Variants in PAPPA observed in about 807,000 individuals in gnomAD.
PAPPA encodes the protein pappalysin 1.
In PAPPA, 60 loss-of-function variants were observed where a neutral mutation model predicts 164.0. That is an observed-to-expected ratio of 0.37 (90% CI 0.30 to 0.45). The LOEUF (loss-of-function observed/expected upper bound fraction) is 0.45. Among genes scored for constraint, PAPPA ranks in the 20% least tolerant of loss-of-function variants. The probability of loss-of-function intolerance (pLI) is 1.00; values close to 1 mark genes in which losing one functional copy is unlikely to be tolerated. For missense variants in PAPPA, 1,782 were observed against 2,087.3 expected, an observed-to-expected ratio of 0.85 and a Z score of 2.85; for synonymous variants, 875 against 814.1, an observed-to-expected ratio of 1.07 and a Z score of -1.27.
At position 116,154,928 on chromosome 9, in the gene PAPPA, G is replaced by A. The variant is rs1843583612; in HGVS notation, c.415+341G>A. Among the ~76,000 whole-genome samples, 1 of 152,252 alleles carries A rather than the reference G, an allele frequency of 6.6e-6. No individual in the cohort carries two copies. Among genetic ancestry groups the A allele is most frequent in the Non-Finnish European group, 1.5e-5 (1 of 68,048 alleles). Reference sequence around the variant, plus strand: ...CAGATGCACTCTCTCCTTTTGGGATGAAAGGGAGGATGACCCAATTGAGAT... The same window carrying A: ...CAGATGCACTCTCTCCTTTTGGGATAAAAGGGAGGATGACCCAATTGAGAT... On this transcript the variant is annotated intron_variant, in intron 1 of 21. Coordinates refer to ENST00000328252, the MANE Select transcript of PAPPA (RefSeq NM_002581.5). This position sits in a 1 kb window ranked among gnomAD's most constrained non-coding sequence, Gnocchi z 5.2.
chr9:116,252,550 G>A (rs987534810), intron 7 of PAPPA, among the ~76,000 whole-genome samples: 1 of 152,220 alleles, frequency 6.6e-6, no homozygotes, highest in Admixed American at 6.5e-5. Context: ...GAAGATGGGT[G>A]TGGTGGGATC....
At position 116,401,640 on chromosome 9, in the gene PAPPA, G is replaced by A. The variant is rs1460557375; in HGVS notation, c.*5024G>A. 3 of 151,120 alleles carry A rather than the reference G, an allele frequency of 2.0e-5. No homozygotes were observed. Among genetic ancestry groups the A allele is most frequent in the East Asian group, 1.9e-4 (1 of 5,176 alleles). The allele number at this position is 151,120 out of a possible 1,614,324, so 9.4% of individuals were successfully genotyped here. The stretch of plus-strand genomic sequence containing the variant: ...ATTTACAAAATAAAACTGTGATCTC[G>A]TCTAGAGAAAATGTATTCATATTAC... On this transcript the variant is annotated 3_prime_UTR_variant, in exon 22 of 22. Transcript: ENST00000328252.
At chr9:116,290,315 C>G (rs556415973) in intron 9 of PAPPA, among the ~76,000 whole-genome samples, 1 of 151,854 alleles carries the variant, frequency 6.6e-6, no homozygotes, top group South Asian at 2.1e-4. Flanking sequence ...AGAATGGGTT[C>G]ATCATCTACA....
rs3789300 is a variant in PAPPA, at chr9:116,369,965, G to A, written c.4605+2211G>A. On this transcript the variant is annotated intron_variant, in intron 19 of 21. Coordinates refer to ENST00000328252, the MANE Select transcript of PAPPA (RefSeq NM_002581.5). Reference sequence around the variant, plus strand: ...GAGATTGATGATTTCCAGGAATAAGGCAGAAAAGCTGGCCTCTGCTGCACC... The same window carrying A: ...GAGATTGATGATTTCCAGGAATAAGACAGAAAAGCTGGCCTCTGCTGCACC... Among the ~76,000 whole-genome samples the A allele has an allele frequency of 6.4e-4, 98 of 152,296 alleles. No homozygotes were observed. In the East Asian group the frequency reaches 0.017, roughly 27 times the overall value.
chr9:116,295,509 G>T (rs1236266325), intron 9 of PAPPA, among the ~76,000 whole-genome samples: 2 of 139,084 alleles, frequency 1.4e-5, no homozygotes, highest in South Asian at 2.2e-4. Context: ...AGCCAAGATC[G>T]CACCATTGCA....
chr9:116,352,562 T>G, intron 15 of PAPPA, 144 bp from the exon 16 acceptor site: 1 of 707,982 alleles, frequency 1.4e-6, no homozygotes, highest in Non-Finnish European at 2.5e-6. Context: ...TTCCCTAGGC[T>G]CCTCAGTTGG....
chr9:116,292,681 G>C (rs945197883), intron 9 of PAPPA, among the ~76,000 whole-genome samples: 2 of 152,188 alleles, frequency 1.3e-5, no homozygotes, highest in African/African-American at 4.8e-5. Context: ...ATTTAGTAGA[G>C]ATATAATTTT....
Position 116,154,426 on chromosome 9 carries a change from G to A in PAPPA, c.254G>A (p.Gly85Asp), listed in dbSNP as rs868024869. 67 of 1,251,402 alleles carry A rather than the reference G, an allele frequency of 5.4e-5. No homozygotes were observed. The African/African-American group carries it at 8.3e-4, about 15-fold the overall frequency. 77.5% of individuals were successfully genotyped at this position (1,251,402 alleles called of 1,614,324 possible). The change falls in exon 1 of 22, where the codon GGC becomes GAC. Residue 85 changes from glycine to aspartate, a missense_variant. This residue lies in a region of PAPPA where 458 missense variants were observed against 430.3 expected (regional missense o/e 1.06). Transcript: ENST00000328252. The surrounding 1 kb of genome is among the most constrained non-coding windows in gnomAD (Gnocchi z 5.2). ...CGGCGGCAGCAGCGGGAGGCGAGGGGCGCCACCGAGGAGCCGAGCCCGCCG... is the reference window on the plus strand; with the variant it reads ...CGGCGGCAGCAGCGGGAGGCGAGGGACGCCACCGAGGAGCCGAGCCCGCCG... ...PRRRQQREARGATEEPSPPSR... is the reference protein window; with the variant it reads ...PRRRQQREARDATEEPSPPSR...
chr9:116,217,656 C>A (rs1283094669), intron 4 of PAPPA, among the ~76,000 whole-genome samples: 1 of 152,060 alleles, frequency 6.6e-6, no homozygotes, highest in Non-Finnish European at 1.5e-5. Flanking sequence ...CAAGCATACA[C>A]ACACACACCA....
chr9:116,332,728 G>A (rs1017351301), intron 12 of PAPPA: 11 of 357,478 alleles, frequency 3.1e-5, no homozygotes, highest in African/African-American at 1.8e-4. Context: ...CAGACATCCT[G>A]TATTATTCCC....
chr9:116,300,377 A>C (rs1451160522), intron 9 of PAPPA, among the ~76,000 whole-genome samples: 2 of 152,044 alleles, frequency 1.3e-5, no homozygotes, highest in African/African-American at 4.8e-5. Context: ...TACTGGGCTC[A>C]ATAAATCCTC....
chr9:116,170,708 T>C (rs1843766863), intron 1 of PAPPA, among the ~76,000 whole-genome samples: 1 of 146,616 alleles, frequency 6.8e-6, no homozygotes, highest in Non-Finnish European at 1.5e-5. Context: ...CATTCCCTAA[T>C]CCATCCACCC....
intron 8 of PAPPA, among the ~76,000 whole-genome samples, chr9:116,267,701 G>A (rs1222788243): frequency 1.3e-5 from 2 of 151,466 alleles, no homozygotes; most frequent in African/African-American, 4.9e-5. Context: ...GTGAAACCCC[G>A]TCTCTACTAA....
At chr9:116,179,536 A>T (rs1843878127) in intron 1 of PAPPA, among the ~76,000 whole-genome samples, 1 of 152,178 alleles carries the variant, frequency 6.6e-6, no homozygotes, top group Non-Finnish European at 1.5e-5. Flanking sequence ...TCTCCCTTTA[A>T]GCCTCCTCCT....
chr9:116,211,941 C>G lies in PAPPA; in HGVS notation c.1918+9C>G, dbSNP rs1050877495. On this transcript the variant is annotated intron_variant, in intron 4 of 21. Coordinates refer to ENST00000328252, the MANE Select transcript of PAPPA (RefSeq NM_002581.5). Reference sequence around the variant, plus strand: ...CTTCATGAGCTATGCAGGTAGGGCCCTACACTCTGTAGGGTGAACAGGTCT... The same window carrying G: ...CTTCATGAGCTATGCAGGTAGGGCCGTACACTCTGTAGGGTGAACAGGTCT... 1.2e-6 allele frequency: 2 copies of G among 1,612,192 alleles called. No homozygotes were observed. The highest frequency in any genetic ancestry group is 2.7e-5 in the African/African-American group (2 of 74,848).
chr9:116,372,781 G>A (rs552940815), intron 19 of PAPPA, among the ~76,000 whole-genome samples: 37 of 152,236 alleles, frequency 2.4e-4, no homozygotes, highest in Non-Finnish European at 5.0e-4. Flanking sequence ...GCCATTTATT[G>A]ACTATCTCTA....
At position 116,219,999 on chromosome 9, in the gene PAPPA, C is replaced by G. The variant is rs748152029; in HGVS notation, c.1981C>G (p.Leu661Val). 34 of 1,614,022 alleles carry G rather than the reference C, an allele frequency of 2.1e-5. No homozygotes were observed. Among genetic ancestry groups the G allele is most frequent in the Non-Finnish European group, 3.4e-6 (4 of 1,180,008 alleles). The change falls in exon 5 of 22, where the codon CTG becomes GTG. Residue 661 changes from leucine (L) to valine (V), a missense_variant. Transcript: ENST00000328252. ...QVARMHCYLD[L>V]VYQGWQPSRK... is the part of the protein sequence containing the mutation. ...CGCCAGAATGCACTGTTACCTGGAC[C>G]TGGTCTACCAGGGCTGGCAGCCCTC... is the stretch of plus-strand genomic sequence containing the variant.
intron 2 of PAPPA, among the ~76,000 whole-genome samples, chr9:116,202,667 A>G (rs934903462): frequency 6.6e-6 from 1 of 152,102 alleles, no homozygotes; most frequent in Non-Finnish European, 1.5e-5. Context: ...ACATTTTCCA[A>G]ACTTTGTTGT....
At chr9:116,295,645 T>C (rs1438716223) in intron 9 of PAPPA, among the ~76,000 whole-genome samples, 1 of 152,030 alleles carries the variant, frequency 6.6e-6, no homozygotes, top group Non-Finnish European at 1.5e-5. Context: ...AGTATTGCAA[T>C]CTTTTTTAAA....
Sources: gnomAD v4.1 joint callset for allele counts (sites outside exome capture counted in the v4.1 genomes callset) on GRCh38, gnomAD v4.1.1 for gene constraint, gnomAD v4.1.1 regional missense constraint, Gnocchi (gnomAD v3.1) non-coding constraint, MANE v1.5 for transcripts, NCBI Gene and HGNC (gene_info 2026-07-23, HGNC 2026-07-21) for gene names.